The following MAPK8 variants were observed in gnomAD, a reference collection of about 807,000 sequenced individuals.
MAPK8 encodes the protein mitogen-activated protein kinase 8.
A neutral mutation model predicts 52.9 loss-of-function variants in MAPK8; 13 were observed. The observed-to-expected ratio is 0.25, with a 90% CI of 0.16 to 0.39. MAPK8 has a LOEUF of 0.39. Among genes scored for constraint, MAPK8 ranks in the 10% least tolerant of loss-of-function variants. MAPK8 has a pLI of 1.00. For synonymous variants in MAPK8, 191 were observed against 169.8 expected (o/e 1.12, Z -0.97); for missense variants, 300 against 519.2 (o/e 0.58, Z 4.10).
At chr10:48,363,029 A>C (rs764924677) in intron 1 of MAPK8, among the ~76,000 whole-genome samples, 7 of 152,050 alleles carry the variant, frequency 4.6e-5, no homozygotes, top group Non-Finnish European at 8.8e-5. Context: ...GTGAACCGCC[A>C]CACCTAGCGT....
intron 1 of MAPK8, chr10:48,325,802 A>G (rs2132200357): frequency 6.6e-6 from 1 of 152,220 alleles, no homozygotes; most frequent in Admixed American, 6.5e-5. Flanking sequence ...CTTAGCTGTG[A>G]GTTTCTCAGA....
intron 1 of MAPK8, among the ~76,000 whole-genome samples, chr10:48,313,535 C>G (rs1368268008): frequency 6.9e-6 from 1 of 145,186 alleles, no homozygotes; most frequent in Non-Finnish European, 1.5e-5. Flanking sequence ...ATTATAAAAT[C>G]TTATGCTACG....
intron 1 of MAPK8, among the ~76,000 whole-genome samples, chr10:48,351,966 G>A (rs1007541971): frequency 6.6e-6 from 1 of 151,998 alleles, no homozygotes; most frequent in African/African-American, 2.4e-5. Context: ...ATCAGATTTG[G>A]GATGCTCCAC....
chr10:48,315,007 T>A (rs993842928), intron 1 of MAPK8, among the ~76,000 whole-genome samples: 2 of 152,212 alleles, frequency 1.3e-5, no homozygotes, highest in African/African-American at 4.8e-5. Context: ...TTTCCACGTG[T>A]ATTTGGTACC....
intron 3 of MAPK8, among the ~76,000 whole-genome samples, chr10:48,407,745 A>G (rs1202053965): frequency 1.3e-5 from 2 of 152,182 alleles, no homozygotes; most frequent in Non-Finnish European, 2.9e-5. Context: ...TAAAAGAAAG[A>G]AATCTTTTAT....
chr10:48,435,666 A>G lies in MAPK8; in HGVS notation c.*637A>G, dbSNP rs2044796746. On this transcript the variant is annotated 3_prime_UTR_variant, in exon 12 of 12. Coordinates refer to ENST00000374189, the MANE Select transcript of MAPK8 (RefSeq NM_001323329.2). ...ACTTAATTTTGGCAAAAGCCCCGTC[A>G]TCTAAATGGCAGAATAACTCAGAGC... 6.6e-6 allele frequency: 1 copy of G among 152,234 alleles called. No individual in the cohort carries two copies. Among genetic ancestry groups the G allele is most frequent in the Non-Finnish European group, 1.5e-5 (1 of 68,038 alleles). The allele number at this position is 152,234 out of a possible 1,614,324, so 9.4% of individuals were successfully genotyped here.
At chr10:48,348,104 G>GT (rs1414849717) in intron 1 of MAPK8, among the ~76,000 whole-genome samples, 5 of 152,178 alleles carry the variant, frequency 3.3e-5, no homozygotes, top group African/African-American at 1.2e-4. Flanking sequence ...GCGTGAAATG[G>GT]TATCTTGTGG....
intron 1 of MAPK8, among the ~76,000 whole-genome samples, chr10:48,353,018 A>T (rs1846487933): frequency 6.6e-6 from 1 of 152,218 alleles, no homozygotes; most frequent in South Asian, 2.1e-4. Flanking sequence ...AAAAAGTGAA[A>T]TACCTAGATA....
At chr10:48,354,679 A>G (rs1846679033) in intron 1 of MAPK8, among the ~76,000 whole-genome samples, 1 of 152,162 alleles carries the variant, frequency 6.6e-6, no homozygotes, top group African/African-American at 2.4e-5. Context: ...AATTATTTGT[A>G]TAGCTAAAAC....
At chr10:48,420,397 C>A (rs2043286081) in intron 6 of MAPK8, 77 bp downstream of exon 6, 1 of 1,338,846 alleles carries the variant, frequency 7.5e-7, no homozygotes, top group Non-Finnish European at 1.0e-6. Context: ...AATGTAAATA[C>A]TTAAGCAGAA....
intron 2 of MAPK8, among the ~76,000 whole-genome samples, chr10:48,402,641 T>C (rs551487112): frequency 6.6e-5 from 10 of 152,334 alleles, no homozygotes; most frequent in Admixed American, 6.5e-4. Flanking sequence ...CACTCAAGAA[T>C]AATTATATTT....
chr10:48,405,343 T>G (rs546812369), intron 3 of MAPK8, among the ~76,000 whole-genome samples: 16 of 152,244 alleles, frequency 1.1e-4, no homozygotes, highest in African/African-American at 3.9e-4. Flanking sequence ...GAGATGAAAT[T>G]GTTCCCATTA....
intron 1 of MAPK8, among the ~76,000 whole-genome samples, chr10:48,315,663 T>G (rs1389658760): frequency 6.6e-6 from 1 of 150,484 alleles, no homozygotes; most frequent in Non-Finnish European, 1.5e-5. Flanking sequence ...TCTGGTTATA[T>G]ATAAGAAAGC....
chr10:48,425,579 C>T (rs987523326), intron 7 of MAPK8: 2 of 327,296 alleles, frequency 6.1e-6, no homozygotes, highest in African/African-American at 4.2e-5. Context: ...GTTAGAGCCA[C>T]TATGGATAGT....
chr10:48,324,425 C>T (rs1221777345), intron 1 of MAPK8, among the ~76,000 whole-genome samples: 1 of 150,888 alleles, frequency 6.6e-6, no homozygotes, highest in Non-Finnish European at 1.5e-5. Context: ...TTTTTTCAAA[C>T]CAATATTCAA....
At chr10:48,373,284 A>C (rs2040437619) in intron 1 of MAPK8, among the ~76,000 whole-genome samples, 1 of 152,080 alleles carries the variant, frequency 6.6e-6, no homozygotes, top group Admixed American at 6.6e-5. Context: ...GCAAAAACAT[A>C]CCAAATTGTA....
intron 9 of MAPK8, 168 bp downstream of exon 9, chr10:48,426,672 G>A (rs960668889): frequency 1.5e-6 from 1 of 650,254 alleles, no homozygotes; most frequent in Non-Finnish European, 2.5e-6. Context: ...GAACATATTC[G>A]AGCCCCTCCT....
At chr10:48,375,557 A>T (rs1156445548) in intron 1 of MAPK8, among the ~76,000 whole-genome samples, 1 of 152,246 alleles carries the variant, frequency 6.6e-6, no homozygotes, top group Admixed American at 6.5e-5. Flanking sequence ...TACAAAATCA[A>T]TGTGCAAAAA....
chr10:48,407,619 T>C (rs1434353832), intron 3 of MAPK8, among the ~76,000 whole-genome samples: 2 of 152,228 alleles, frequency 1.3e-5, no homozygotes, highest in African/African-American at 4.8e-5. Flanking sequence ...GAAATATAAT[T>C]TCTGTGTCAT....
Sources: allele counts gnomAD v4.1 joint callset (sites outside exome capture counted in the v4.1 genomes callset), GRCh38; gene constraint gnomAD v4.1.1; transcripts MANE v1.5; gene names NCBI Gene and HGNC (gene_info 2026-07-23, HGNC 2026-07-21).